The following SLC24A3 variants were observed in gnomAD, a reference collection of about 807,000 sequenced individuals.
SLC24A3 encodes the protein sodium/potassium/calcium exchanger 3.
A neutral mutation model predicts 75.8 loss-of-function variants in SLC24A3; 28 were observed. The observed-to-expected ratio is 0.37, with a 90% CI of 0.27 to 0.51. SLC24A3 has a LOEUF of 0.51. SLC24A3 is among the 20% of genes least tolerant of loss of function. The pLI, the probability that SLC24A3 is intolerant of heterozygous loss-of-function variation, is 0.94. For missense variants in SLC24A3, 663 were observed against 847.8 expected (o/e 0.78, Z 2.71); for synonymous variants, 372 against 334.1 (o/e 1.11, Z -1.24).
intron 2 of SLC24A3, among the ~76,000 whole-genome samples, chr20:19,407,441 G>C (rs1986668353): frequency 6.6e-6 from 1 of 152,184 alleles, no homozygotes; most frequent in South Asian, 2.1e-4. Context: ...CAGTGTGAAG[G>C]GGCACCTGGC....
chr20:19,231,712 G>A (rs1209250963), intron 1 of SLC24A3, among the ~76,000 whole-genome samples: 4 of 152,230 alleles, frequency 2.6e-5, no homozygotes, highest in Non-Finnish European at 5.9e-5. Flanking sequence ...TTGAAAGCCA[G>A]TAAGTTTGTG....
intron 3 of SLC24A3, among the ~76,000 whole-genome samples, chr20:19,556,257 TG>T (rs2030782316): frequency 6.6e-6 from 1 of 152,158 alleles, no homozygotes; most frequent in South Asian, 2.1e-4. Flanking sequence ...CATCCAGAGT[TG>T]CCTGTTTCTC....
At chr20:19,694,521 A>G (rs1439717958) in intron 13 of SLC24A3, 1 of 152,186 alleles carries the variant, frequency 6.6e-6, no homozygotes, top group African/African-American at 2.4e-5. Context: ...CCCAAGTTTT[A>G]TAGCCAGGGG....
rs966020372 is a variant in SLC24A3, at chr20:19,262,321, C to T, written c.143-18638C>T. 1.1e-4 allele frequency among the ~76,000 whole-genome samples: 16 copies of T among 144,046 alleles called. No homozygotes were observed. In the South Asian group the frequency reaches 1.8e-3, roughly 16 times the overall value. 94.5% of individuals were successfully genotyped at this position (144,046 alleles called of 152,430 possible). On this transcript the variant is annotated intron_variant, in intron 1 of 16. Coordinates refer to ENST00000328041, the MANE Select transcript of SLC24A3 (RefSeq NM_020689.4). ...GCGGGAGGCTGAGGCAGGAGAATGG[C>T]GTGAACCCGGGAGGCGGAGCTTGCA...
chr20:19,427,642 C>G (rs1304352548), intron 2 of SLC24A3, among the ~76,000 whole-genome samples: 1 of 152,170 alleles, frequency 6.6e-6, no homozygotes, highest in East Asian at 1.9e-4. Context: ...TTCCCACTGC[C>G]GTGCCTCTGC....
At chr20:19,214,356 GCAGATTCACATCTGCCAGACT>G (rs1355653964) in intron 1 of SLC24A3, among the ~76,000 whole-genome samples, 1 of 152,170 alleles carries the variant, frequency 6.6e-6, no homozygotes, top group Non-Finnish European at 1.5e-5. Flanking sequence ...CTCTCCCAGG[GCAGATTCACATCTGCCAGACT>G]TCTGTCTACT....
chr20:19,444,032 T>A (rs4814854), intron 2 of SLC24A3, among the ~76,000 whole-genome samples: 57,712 of 152,082 alleles, frequency 0.38, 11,112 homozygotes, highest in East Asian at 0.46. Flanking sequence ...GAGAGTTTTT[T>A]AAAATCATAA....
intron 3 of SLC24A3, among the ~76,000 whole-genome samples, chr20:19,530,150 AC>A (rs1265001907): frequency 1.3e-5 from 2 of 152,192 alleles, no homozygotes; most frequent in African/African-American, 4.8e-5. Flanking sequence ...ATTCATATAT[AC>A]TTGATTCAGT....
At chr20:19,259,256 G>A (rs1982910077) in intron 1 of SLC24A3, among the ~76,000 whole-genome samples, 1 of 152,208 alleles carries the variant, frequency 6.6e-6, no homozygotes, top group South Asian at 2.1e-4. Context: ...GAGGTGCTGG[G>A]ACACTCTGAC....
intron 1 of SLC24A3, among the ~76,000 whole-genome samples, chr20:19,224,147 T>TGTGA (rs1491449362): frequency 7.9e-4 from 111 of 140,006 alleles, no homozygotes; most frequent in African/African-American, 2.8e-3. Flanking sequence ...TGTGTGTGTG[T>TGTGA]GAGAGTATTG....
At chr20:19,290,405 G>A (rs1020313496) in intron 2 of SLC24A3, among the ~76,000 whole-genome samples, 1 of 152,118 alleles carries the variant, frequency 6.6e-6, no homozygotes, top group Non-Finnish European at 1.5e-5. Flanking sequence ...TTAGAAGATG[G>A]AGCTTTTAGG....
chr20:19,620,297 T>G (rs1430776791), intron 6 of SLC24A3, among the ~76,000 whole-genome samples: 4 of 152,212 alleles, frequency 2.6e-5, no homozygotes, highest in Non-Finnish European at 4.4e-5. Context: ...TTGGGGAGTC[T>G]TAAGTGTCTG....
chr20:19,273,047 C>T (rs6132185), intron 1 of SLC24A3, among the ~76,000 whole-genome samples: 13,985 of 152,090 alleles, frequency 0.092, 1,869 homozygotes, highest in East Asian at 0.61. Context: ...CAGCTTGCCT[C>T]GATCTGCCCA....
chr20:19,703,592 G>A (rs910647908), intron 15 of SLC24A3, among the ~76,000 whole-genome samples: 4 of 152,148 alleles, frequency 2.6e-5, no homozygotes, highest in African/African-American at 9.7e-5. Context: ...TCAAGAAAAA[G>A]TTAAGTTAGA....
chr20:19,446,088 C>G (rs1219407824), intron 2 of SLC24A3, among the ~76,000 whole-genome samples: 1 of 152,160 alleles, frequency 6.6e-6, no homozygotes, highest in Non-Finnish European at 1.5e-5. Context: ...AGAACTCTGA[C>G]TCATCTGCCC....
intron 2 of SLC24A3, among the ~76,000 whole-genome samples, chr20:19,329,876 A>G (rs939742685): frequency 7.9e-5 from 12 of 152,100 alleles, no homozygotes; most frequent in African/African-American, 2.9e-4. Flanking sequence ...CAAGGCTTTG[A>G]CCTTGGCAGC....
At chr20:19,275,852 C>A (rs1386682940) in intron 1 of SLC24A3, among the ~76,000 whole-genome samples, 3 of 152,142 alleles carry the variant, frequency 2.0e-5, no homozygotes, top group Admixed American at 2.0e-4. Flanking sequence ...AGCCTGCAGT[C>A]CTGCAGACTG....
chr20:19,265,366 T>A (rs1405634801), intron 1 of SLC24A3, among the ~76,000 whole-genome samples: 1 of 152,192 alleles, frequency 6.6e-6, no homozygotes, highest in African/African-American at 2.4e-5. Context: ...AGAGGCTCTG[T>A]GTTCATGGCA....
intron 2 of SLC24A3, among the ~76,000 whole-genome samples, chr20:19,316,836 C>G (rs1053390937): frequency 6.6e-6 from 1 of 152,060 alleles, no homozygotes; most frequent in Non-Finnish European, 1.5e-5. Flanking sequence ...TTAAAAATTT[C>G]CTACTTTTAT....
Sources: gnomAD v4.1 joint callset for allele counts (sites outside exome capture counted in the v4.1 genomes callset) on GRCh38, gnomAD v4.1.1 for gene constraint, MANE v1.5 for transcripts, NCBI Gene and HGNC (gene_info 2026-07-23, HGNC 2026-07-21) for gene names.